The following STON2 variants were observed in gnomAD, a reference collection of about 807,000 sequenced individuals.
STON2 encodes the protein stonin-2.
In STON2, 29 loss-of-function variants were observed where a neutral mutation model predicts 65.7. The ratio of observed to expected loss-of-function variants is 0.44; its 90% CI spans 0.33 to 0.60. The LOEUF (loss-of-function observed/expected upper bound fraction) is 0.60, where lower values mean the gene tolerates loss of function less well. Among genes scored for constraint, STON2 ranks in the 20% least tolerant of loss-of-function variants. The pLI is 0.03. For synonymous variants in STON2, 404 were observed against 414.2 expected (o/e 0.98, Z 0.30); for missense variants, 1,054 against 1,118.1 (o/e 0.94, Z 0.82).
chr14:81,328,396 T>G (rs1347718870), intron 4 of STON2, among the ~76,000 whole-genome samples: 1 of 152,182 alleles, frequency 6.6e-6, no homozygotes, highest in East Asian at 1.9e-4. Context: ...CAGTCAGCTA[T>G]TTTGAAAGTA....
At chr14:81,407,971 T>C (rs879591077) in intron 2 of STON2, among the ~76,000 whole-genome samples, 6 of 152,164 alleles carry the variant, frequency 3.9e-5, no homozygotes, top group African/African-American at 7.2e-5. Context: ...GTTTCATAAG[T>C]TGCTAGAACA....
intron 5 of STON2, among the ~76,000 whole-genome samples, chr14:81,283,791 A>G (rs1895226456): frequency 6.6e-6 from 1 of 152,100 alleles, no homozygotes; most frequent in Non-Finnish European, 1.5e-5. Context: ...GGCCTCCCAG[A>G]GTGCTGGGAT....
chr14:81,435,430 T>C (rs1033652048), intron 1 of STON2, among the ~76,000 whole-genome samples: 3 of 152,142 alleles, frequency 2.0e-5, no homozygotes, highest in African/African-American at 7.2e-5. Context: ...TTTTCAGGCA[T>C]TGGCTCATAT....
intron 5 of STON2, among the ~76,000 whole-genome samples, chr14:81,322,731 A>G (rs1248417418): frequency 6.6e-6 from 1 of 151,984 alleles, no homozygotes; most frequent in Non-Finnish European, 1.5e-5. Context: ...TCATACCCTC[A>G]CTCACAGCCA....
intron 4 of STON2, among the ~76,000 whole-genome samples, chr14:81,349,509 G>C (rs1021662916): frequency 5.9e-5 from 9 of 152,012 alleles, no homozygotes; most frequent in African/African-American, 2.2e-4. Context: ...CAAATCATCA[G>C]AGAAATGCAA....
At chr14:81,434,123 C>T (rs142192526) in intron 1 of STON2, among the ~76,000 whole-genome samples, 9 of 152,272 alleles carry the variant, frequency 5.9e-5, no homozygotes, top group African/African-American at 1.9e-4. Flanking sequence ...AACTGTGCCA[C>T]GGCGCCTCCA....
intron 4 of STON2, among the ~76,000 whole-genome samples, chr14:81,357,782 G>A (rs10438177): frequency 6.6e-6 from 1 of 151,010 alleles, no homozygotes; most frequent in Non-Finnish European, 1.5e-5. Context: ...GTAAACTATC[G>A]CAAGAACAAA....
chr14:81,390,229 G>C (rs1355162458), intron 3 of STON2, among the ~76,000 whole-genome samples: 1 of 151,056 alleles, frequency 6.6e-6, no homozygotes, highest in African/African-American at 2.4e-5. Context: ...AAAACAGAAA[G>C]ACAAGTAGTG....
At chr14:81,425,182 G>GT (rs1901906329) in intron 2 of STON2, among the ~76,000 whole-genome samples, 1 of 152,190 alleles carries the variant, frequency 6.6e-6, no homozygotes, top group South Asian at 2.1e-4. Context: ...GAGAGTGAGA[G>GT]TTTTTTAGAA....
chr14:81,358,278 G>A (rs539775796), intron 4 of STON2, among the ~76,000 whole-genome samples: 1 of 152,196 alleles, frequency 6.6e-6, no homozygotes, highest in East Asian at 1.9e-4. Flanking sequence ...GGTGTGGGGG[G>A]AGGGAGGAGT....
intron 4 of STON2, among the ~76,000 whole-genome samples, chr14:81,358,312 A>C (rs1373713303): frequency 6.6e-6 from 1 of 152,218 alleles, no homozygotes; most frequent in Non-Finnish European, 1.5e-5. Context: ...TGTTATATAC[A>C]ATCAAAATTA....
At chr14:81,401,715 A>C (rs1280608657), upstream of STON2, among the ~76,000 whole-genome samples, 1 of 152,216 alleles carries the variant, frequency 6.6e-6, no homozygotes, top group African/African-American at 2.4e-5. Context: ...AGTTTCATTG[A>C]AGTCTTGGAG....
chr14:81,265,003 A>G lies in STON2; in HGVS notation c.*3411T>C, dbSNP rs1894299906. 2.0e-6 allele frequency: 2 copies of G among 981,702 alleles called. No individual in the cohort carries two copies. Among genetic ancestry groups the G allele is most frequent in the African/African-American group, 1.7e-5 (1 of 57,148 alleles). The allele number at this position is 981,702 out of a possible 1,614,324, so 60.8% of individuals were successfully genotyped here. Reference sequence around the variant, plus strand: ...GATATCTAATTTATGTTCTAAGAGTAATACTATGTACTGGTAAAATGAATT... The same window carrying G: ...GATATCTAATTTATGTTCTAAGAGTGATACTATGTACTGGTAAAATGAATT... On this transcript the variant is annotated 3_prime_UTR_variant, in exon 8 of 8. Transcript: ENST00000614646.
chr14:81,402,370 C>T (rs1406597820), upstream of STON2, among the ~76,000 whole-genome samples: 1 of 152,200 alleles, frequency 6.6e-6, no homozygotes, highest in African/African-American at 2.4e-5. Flanking sequence ...TGCCCTCAAG[C>T]AGCTGTCAAC....
intron 5 of STON2, among the ~76,000 whole-genome samples, chr14:81,313,722 G>C (rs147785665): frequency 2.1e-3 from 311 of 151,438 alleles, no homozygotes; most frequent in African/African-American, 7.0e-3. Flanking sequence ...TTGAACCCGG[G>C]AGGCAGATGT....
At chr14:81,312,932 G>A (rs1342673147) in intron 5 of STON2, among the ~76,000 whole-genome samples, 1 of 152,204 alleles carries the variant, frequency 6.6e-6, no homozygotes. Context: ...GTCCTTGCTT[G>A]TAAGGCTCGG....
chr14:81,309,311 A>C (rs991664472), intron 5 of STON2, among the ~76,000 whole-genome samples: 1 of 152,212 alleles, frequency 6.6e-6, no homozygotes, highest in African/African-American at 2.4e-5. Flanking sequence ...CTATTAAAAA[A>C]AAGATAATCT....
At chr14:81,303,769 A>T (rs1442246763) in intron 5 of STON2, among the ~76,000 whole-genome samples, 2 of 152,252 alleles carry the variant, frequency 1.3e-5, no homozygotes, top group Non-Finnish European at 2.9e-5. Flanking sequence ...AATGAAACTC[A>T]TAGAGCTTAC....
chr14:81,384,897 T>A (rs1410250191), intron 3 of STON2, among the ~76,000 whole-genome samples: 5 of 152,238 alleles, frequency 3.3e-5, no homozygotes, highest in African/African-American at 7.2e-5. Context: ...AGAAAATAGA[T>A]CTAACTCCAT....
Sources: allele counts gnomAD v4.1 joint callset (sites outside exome capture counted in the v4.1 genomes callset), GRCh38; gene constraint gnomAD v4.1.1; transcripts MANE v1.5; gene names NCBI Gene and HGNC (gene_info 2026-07-23, HGNC 2026-07-21).